Variants in PTK2 observed in about 807,000 individuals in gnomAD.
PTK2 encodes the protein protein tyrosine kinase 2, also known as focal adhesion kinase 1.
A neutral mutation model predicts 150.1 loss-of-function variants in PTK2; 45 were observed. The ratio of observed to expected loss-of-function variants is 0.30; its 90% CI spans 0.24 to 0.38. The LOEUF is 0.38. Ranked by LOEUF, PTK2 falls within the 10% of genes least tolerant of loss-of-function variation. The probability of loss-of-function intolerance (pLI) is 1.00; values close to 1 mark genes in which losing one functional copy is unlikely to be tolerated. For synonymous variants in PTK2, 432 were observed against 449.2 expected (o/e 0.96, Z 0.48); for missense variants, 919 against 1,307.3 (o/e 0.70, Z 4.58).
intron 8 of PTK2, among the ~76,000 whole-genome samples, chr8:140,825,845 C>T (rs373856983): frequency 2.0e-5 from 3 of 152,288 alleles, no homozygotes; most frequent in African/African-American, 7.2e-5. Flanking sequence ...TAGAATGTCC[C>T]TCAATTTGGG....
At chr8:140,779,809 C>T (rs990320264) in intron 14 of PTK2, among the ~76,000 whole-genome samples, 10 of 152,058 alleles carry the variant, frequency 6.6e-5, no homozygotes, top group East Asian at 1.9e-4. Context: ...ATAAGTAAGG[C>T]GATATTTTCC....
intron 23 of PTK2, among the ~76,000 whole-genome samples, chr8:140,706,963 CTGATA>C (rs1473165939): frequency 1.3e-5 from 2 of 152,188 alleles, no homozygotes; most frequent in African/African-American, 4.8e-5. Context: ...TGTCCGTCAA[CTGATA>C]TAACTGGATA....
intron 16 of PTK2, among the ~76,000 whole-genome samples, chr8:140,758,802 C>G (rs962665861): frequency 6.6e-6 from 1 of 152,164 alleles, no homozygotes. Flanking sequence ...TAGTCATAAT[C>G]CAGGCCTTCA....
intron 1 of PTK2, among the ~76,000 whole-genome samples, chr8:140,989,390 T>C (rs1363660705): frequency 1.3e-5 from 2 of 151,258 alleles, no homozygotes; most frequent in Non-Finnish European, 2.9e-5. Context: ...CAAGACCCTA[T>C]CTCAAAAAAA....
intron 16 of PTK2, among the ~76,000 whole-genome samples, chr8:140,760,248 A>T (rs1434256389): frequency 2.0e-5 from 3 of 151,754 alleles, no homozygotes; most frequent in Non-Finnish European, 4.4e-5. Context: ...AACAAAACAT[A>T]TATATATATA....
chr8:140,748,259 C>T (rs368631072), intron 17 of PTK2, among the ~76,000 whole-genome samples: 2 of 152,074 alleles, frequency 1.3e-5, no homozygotes, highest in Non-Finnish European at 2.9e-5. Flanking sequence ...TTTGGGAGGC[C>T]GAGGTGGGCC....
At chr8:140,989,409 C>A (rs1240055062) in intron 1 of PTK2, among the ~76,000 whole-genome samples, 3 of 150,538 alleles carry the variant, frequency 2.0e-5, no homozygotes, top group African/African-American at 4.9e-5. Context: ...AACAAACAAA[C>A]AAAAAAACTA....
In PTK2 at chr8:140,669,881, C is replaced by T. The variant is rs141578233; in HGVS notation, c.2710-1457G>A. 5.8e-6 allele frequency: 5 copies of T among 855,722 alleles called. No individual in the cohort carries two copies. The African/African-American group carries it at 6.7e-5, about 12-fold the overall frequency. The allele number at this position is 855,722 out of a possible 1,614,324, so 53.0% of individuals were successfully genotyped here. ...AAAGGAGCTAGTTTCCAAGCCTGCC[C>T]ACCAGCTCTCACTCACTGTTGCCAG... On this transcript the variant is annotated intron_variant, in intron 29 of 31. Coordinates refer to ENST00000522684, the Ensembl canonical transcript of PTK2.
intron 22 of PTK2, among the ~76,000 whole-genome samples, chr8:140,731,337 G>A (rs1460151570): frequency 2.6e-5 from 4 of 152,064 alleles, no homozygotes; most frequent in Non-Finnish European, 4.4e-5. Context: ...GCTAGAGTAC[G>A]CATTATAAGA....
chr8:140,997,362 G>A (rs777350291), intron 1 of PTK2, among the ~76,000 whole-genome samples: 1 of 152,220 alleles, frequency 6.6e-6, no homozygotes, highest in African/African-American at 2.4e-5. Flanking sequence ...ATAAAGCAAT[G>A]GCAGTGTTTA....
At chr8:140,949,271 AGTCTACAG>A (rs1328578844) in intron 1 of PTK2, among the ~76,000 whole-genome samples, 1 of 152,230 alleles carries the variant, frequency 6.6e-6, no homozygotes, top group Non-Finnish European at 1.5e-5. Flanking sequence ...TAAGGCTTCC[AGTCTACAG>A]TACTGATAGC....
intron 22 of PTK2, among the ~76,000 whole-genome samples, chr8:140,730,227 T>C (rs1337761279): frequency 6.6e-6 from 1 of 152,208 alleles, no homozygotes; most frequent in Non-Finnish European, 1.5e-5. Context: ...ACACTTACTA[T>C]ATCCTCTCTA....
chr8:140,838,937 C>T (rs1013385239), intron 7 of PTK2, among the ~76,000 whole-genome samples: 7 of 150,334 alleles, frequency 4.7e-5, no homozygotes, highest in Non-Finnish European at 1.0e-4. Context: ...ACCCAGGAGG[C>T]GGAGCTTGCA....
rs114751026 is a variant in PTK2 at position 140,878,278 on chromosome 8, G to A, written c.362+1193C>T. Among the ~76,000 whole-genome samples the A allele has an allele frequency of 4.0e-3, 608 of 152,266 alleles. 3 individuals are homozygous for A. Among genetic ancestry groups the A allele is most frequent in the African/African-American group, 0.014 (592 of 41,554 alleles). ...CAGCTATATTTCTTTGATGAACTCT[G>A]TAACTGGCGTAGGGTTTTATTCAAC... On this transcript the variant is annotated intron_variant, in intron 4 of 31. Transcript: ENST00000522684.
At chr8:140,974,146 C>G (rs2100188401) in intron 1 of PTK2, among the ~76,000 whole-genome samples, 1 of 152,170 alleles carries the variant, frequency 6.6e-6, no homozygotes, top group African/African-American at 2.4e-5. Flanking sequence ...GACTCCAGAA[C>G]ACAATACGAA....
intron 14 of PTK2, 66 bp from the exon 16 acceptor site, chr8:140,769,658 A>G: frequency 1.8e-6 from 2 of 1,108,356 alleles, no homozygotes; most frequent in Non-Finnish European, 2.5e-6. Flanking sequence ...CATAGGAAGG[A>G]GAAGAGGGAA....
chr8:140,846,500 C>T lies in PTK2; in HGVS notation c.530+99G>A, dbSNP rs771924289. ...TACTCAAATTTTATTCAGTATTTCA[C>T]TGATAATCCTTATGAAGAAAAGGAA... On this transcript the variant is annotated intron_variant, in intron 6 of 31. Transcript: ENST00000522684. 3.4e-6 allele frequency: 4 copies of T among 1,174,026 alleles called. No individual in the cohort carries two copies. The Admixed American group carries it at 5.8e-5, about 17-fold the overall frequency. 72.7% of individuals were successfully genotyped at this position (1,174,026 alleles called of 1,614,324 possible). A position where few individuals can be genotyped will look rare whatever the true frequency, so the allele number is the denominator to read the frequency against.
chr8:140,662,549 C>G (rs1214229829), intron 31 of PTK2: 2 of 401,938 alleles, frequency 5.0e-6, no homozygotes, highest in African/African-American at 2.0e-5. Context: ...AGTGAGAGAA[C>G]CCCATTTGGT....
intron 2 of PTK2, among the ~76,000 whole-genome samples, chr8:140,897,776 A>C (rs555886474): frequency 7.2e-5 from 11 of 152,338 alleles, no homozygotes; most frequent in African/African-American, 2.4e-4. Flanking sequence ...TCCATGGCTA[A>C]AGTTGAACAG....
Sources: allele counts gnomAD v4.1 joint callset (sites outside exome capture counted in the v4.1 genomes callset), GRCh38; gene constraint gnomAD v4.1.1; transcripts MANE v1.5; gene names NCBI Gene and HGNC (gene_info 2026-07-23, HGNC 2026-07-21).